Variants in SHANK2 observed in about 807,000 individuals in gnomAD.
The protein encoded by SHANK2 is SH3 and multiple ankyrin repeat domains protein 2.
Under a neutral mutation model 133.7 loss-of-function variants are expected in SHANK2, and 43 were observed. The observed-to-expected ratio is 0.32, with a 90% CI of 0.25 to 0.41. SHANK2 has a LOEUF of 0.41. Ranked by LOEUF, SHANK2 falls within the 10% of genes least tolerant of loss-of-function variation. The pLI, the probability that SHANK2 is intolerant of heterozygous loss-of-function variation, is 1.00. For synonymous variants in SHANK2, 1,017 were observed against 952.8 expected (o/e 1.07, Z -1.24); for missense variants, 1,994 against 2,235.8 (o/e 0.89, Z 2.18).
chr11:71,117,142 C>A (rs1555100522), intron 4 of SHANK2, among the ~76,000 whole-genome samples: 5 of 152,194 alleles, frequency 3.3e-5, no homozygotes, highest in Non-Finnish European at 7.3e-5. Flanking sequence ...GCCTCAGCCC[C>A]CCGAGTAGCT....
At chr11:70,600,245 C>T (rs1279265455) in intron 17 of SHANK2, among the ~76,000 whole-genome samples, 1 of 151,538 alleles carries the variant, frequency 6.6e-6, no homozygotes, top group Non-Finnish European at 1.5e-5. Context: ...ATGGCGAAAC[C>T]CTGTCTCTAC....
At chr11:70,770,116 T>C (rs1466845078) in intron 14 of SHANK2, among the ~76,000 whole-genome samples, 1 of 152,222 alleles carries the variant, frequency 6.6e-6, no homozygotes, top group Non-Finnish European at 1.5e-5. Flanking sequence ...GAGGGGAAGA[T>C]GAATACCCTT....
intron 14 of SHANK2, among the ~76,000 whole-genome samples, chr11:70,775,825 A>T (rs782793348): frequency 3.3e-5 from 5 of 152,284 alleles, no homozygotes; most frequent in Non-Finnish European, 7.3e-5. Flanking sequence ...CATCGTTACC[A>T]GCACGCGGCC....
chr11:70,855,241 AG>A (rs1210083532), intron 11 of SHANK2, among the ~76,000 whole-genome samples: 2 of 152,226 alleles, frequency 1.3e-5, no homozygotes, highest in Admixed American at 1.3e-4. Flanking sequence ...ACAAGCTCAG[AG>A]GAAATTAGCA....
intron 8 of SHANK2, among the ~76,000 whole-genome samples, chr11:71,075,606 T>G (rs1951208373): frequency 6.6e-6 from 1 of 152,082 alleles, no homozygotes; most frequent in Non-Finnish European, 1.5e-5. Context: ...CAGGATGTCT[T>G]TCTCCCATCC....
intron 17 of SHANK2, among the ~76,000 whole-genome samples, chr11:70,530,364 C>T (rs2059451652): frequency 6.6e-6 from 1 of 152,066 alleles, no homozygotes; most frequent in African/African-American, 2.4e-5. Context: ...AGTGAGACAC[C>T]ATTTCTACAA....
At chr11:71,113,411 C>CA in intron 4 of SHANK2, 47 bp from the exon 5 acceptor site, 1 of 1,506,118 alleles carries the variant, frequency 6.6e-7, no homozygotes, top group South Asian at 1.2e-5. Context: ...CAATACTTCT[C>CA]AGAGTTGTTC....
chr11:71,136,395 C>CAT (rs1952440429), intron 3 of SHANK2, among the ~76,000 whole-genome samples: 1 of 152,204 alleles, frequency 6.6e-6, no homozygotes, highest in Non-Finnish European at 1.5e-5. Flanking sequence ...GAAACTGAAA[C>CAT]TCAAATCCTG....
rs536231451 is a variant in SHANK2, at chr11:70,745,772, C to A, written c.1778-47009G>T. On this transcript the variant is annotated intron_variant, in intron 14 of 25. Transcript: ENST00000601538. ...CCTGAGCTGTCCCTAGGTCACCCGC[C>A]GCCTTGGAAGTTGCAGAGCCTTGGT... is the stretch of plus-strand genomic sequence containing the variant. Among the ~76,000 whole-genome samples the A allele has an allele frequency of 1.8e-4, 28 of 152,348 alleles. No homozygotes were observed. The South Asian group carries it at 5.8e-3, about 32-fold the overall frequency.
intron 21 of SHANK2, among the ~76,000 whole-genome samples, chr11:70,498,840 T>G (rs2059009370): frequency 6.6e-6 from 1 of 152,188 alleles, no homozygotes; most frequent in Non-Finnish European, 1.5e-5. Flanking sequence ...CCATGGTGTT[T>G]CTTGGCTTGT....
chr11:71,160,434 T>A (rs117254755), intron 2 of SHANK2, among the ~76,000 whole-genome samples: 2 of 152,262 alleles, frequency 1.3e-5, no homozygotes, highest in Non-Finnish European at 2.9e-5. Flanking sequence ...AGGACTAGCA[T>A]CCCTATAAAG....
At chr11:70,820,165 C>T (rs968426011) in intron 12 of SHANK2, among the ~76,000 whole-genome samples, 199 bp downstream of exon 12, 7 of 152,192 alleles carry the variant, frequency 4.6e-5, no homozygotes, top group Admixed American at 1.3e-4. Context: ...CCATGAGGCT[C>T]GGGAAGGTGA....
Position 70,502,847 on chromosome 11 carries a change from C to T in SHANK2, c.2146G>A (p.Val716Met), listed in dbSNP as rs1187461109. Residue 716 changes from valine (V) to methionine (M), a missense_variant, in exon 18 of 26, where the codon GTG (valine) becomes ATG (methionine). Physicochemically the swap from Val to Met is conservative, Grantham distance 21. Transcript: ENST00000601538. Reference protein sequence around the residue: ...RQGGNHLVLKVVTVTRNLDPD... With the variant: ...RQGGNHLVLKMVTVTRNLDPD... ...TCCAGATTCCTGGTCACCGTGACCA[C>T]CTTAAGGACCAGGTGATTCCCTCCC... 8 of 1,613,504 alleles carry T rather than the reference C, an allele frequency of 5.0e-6. No homozygotes were observed. The highest frequency in any genetic ancestry group is 1.7e-5 in the Admixed American group (1 of 59,936).
chr11:70,578,239 T>A (rs2060141148), intron 17 of SHANK2, among the ~76,000 whole-genome samples: 2 of 148,140 alleles, frequency 1.4e-5, no homozygotes. Context: ...CCCGGCAGGA[T>A]GCCTGCAGGG....
At chr11:71,073,021 A>C (rs1446084388) in intron 9 of SHANK2, among the ~76,000 whole-genome samples, 1 of 152,106 alleles carries the variant, frequency 6.6e-6, no homozygotes, top group African/African-American at 2.4e-5. Context: ...CTGCATACTT[A>C]AAAGTGGTTA....
At chr11:71,088,424 T>A (rs1040182943) in intron 8 of SHANK2, among the ~76,000 whole-genome samples, 3 of 152,136 alleles carry the variant, frequency 2.0e-5, no homozygotes, top group African/African-American at 4.8e-5. Flanking sequence ...TCCAGCGACA[T>A]CAAATGACAG....
At chr11:70,853,280 G>A (rs183017828) in intron 11 of SHANK2, among the ~76,000 whole-genome samples, 27 of 152,344 alleles carry the variant, frequency 1.8e-4, no homozygotes, top group East Asian at 5.8e-4. Flanking sequence ...TGGACCAGGC[G>A]TCCCGGCGCC....
At chr11:71,079,774 G>A (rs1403378837) in intron 8 of SHANK2, among the ~76,000 whole-genome samples, 1 of 146,568 alleles carries the variant, frequency 6.8e-6, no homozygotes, top group Admixed American at 6.8e-5. Context: ...GAGAAAGAAA[G>A]AGAGAGTAAG....
At chr11:70,903,156 C>G (rs1170556087) in intron 10 of SHANK2, among the ~76,000 whole-genome samples, 1 of 152,052 alleles carries the variant, frequency 6.6e-6, no homozygotes. Flanking sequence ...GTGAGTGGAT[C>G]ACCTGAGGTC....
Sources: allele counts gnomAD v4.1 joint callset (sites outside exome capture counted in the v4.1 genomes callset), GRCh38; gene constraint gnomAD v4.1.1; transcripts MANE v1.5; gene names NCBI Gene and HGNC (gene_info 2026-07-23, HGNC 2026-07-21).